KDM4C: variants seen among roughly 807,000 people sequenced by gnomAD.
The protein encoded by KDM4C is lysine demethylase 4C.
In KDM4C, 81 loss-of-function variants were observed where a neutral mutation model predicts 129.3. The observed-to-expected ratio is 0.63, with a 90% CI of 0.52 to 0.75. The LOEUF is 0.75. KDM4C is among the 30% of genes least tolerant of loss of function. KDM4C has a pLI of 0.00. For missense variants in KDM4C, 1,457 were observed against 1,304.0 expected (o/e 1.12, Z -1.81); for synonymous variants, 573 against 456.1 (o/e 1.26, Z -3.26).
intron 1 of KDM4C, chr9:6,748,573 C>T: frequency 1.8e-6 from 1 of 548,354 alleles, no homozygotes; most frequent in South Asian, 2.0e-5. Context: ...AACAATCCCA[C>T]AGCATTTATT....
At chr9:6,995,872 T>G (rs10117103) in intron 12 of KDM4C, among the ~76,000 whole-genome samples, 3,481 of 146,404 alleles carry the variant, frequency 0.024, 144 homozygotes, top group African/African-American at 0.082. Flanking sequence ...GGGGTTTCAC[T>G]GTGTTAGCCA....
At chr9:7,147,926 C>A (rs1308002781) in intron 19 of KDM4C, among the ~76,000 whole-genome samples, 9 of 152,226 alleles carry the variant, frequency 5.9e-5, no homozygotes, top group Admixed American at 1.3e-4. Context: ...CTCGTTCCGT[C>A]CACTCAGCCC....
At chr9:7,032,724 AGGCCT>A in intron 15 of KDM4C, among the ~76,000 whole-genome samples, 7 of 152,194 alleles carry the variant, frequency 4.6e-5, no homozygotes, top group Non-Finnish European at 1.0e-4. Flanking sequence ...TCTCATTCCC[AGGCCT>A]TGCCTCCTCT....
At chr9:6,750,838 G>C (rs1818042420) in intron 1 of KDM4C, among the ~76,000 whole-genome samples, 1 of 152,176 alleles carries the variant, frequency 6.6e-6, no homozygotes. Flanking sequence ...CTCTGGGTTA[G>C]CTGACAGTTA....
intron 1 of KDM4C, among the ~76,000 whole-genome samples, chr9:6,785,415 CA>C (rs1264891968): frequency 6.6e-6 from 1 of 151,870 alleles, no homozygotes; most frequent in Non-Finnish European, 1.5e-5. Flanking sequence ...TGGCTCACTG[CA>C]AACTCTGCCT....
chr9:7,138,296 T>G (rs1841414452), intron 19 of KDM4C, among the ~76,000 whole-genome samples: 1 of 152,218 alleles, frequency 6.6e-6, no homozygotes, highest in Non-Finnish European at 1.5e-5. Flanking sequence ...TTTCCCTCTA[T>G]CATCTAATTT....
In KDM4C at chr9:6,962,947, A is replaced by T. The variant is rs151092650; in HGVS notation, c.922-17978A>T. Reference sequence around the variant, plus strand: ...GACCTATAAATATTTTACAAGATACATATAAGCTGTTTATGGACATGATAT... The same window carrying T: ...GACCTATAAATATTTTACAAGATACTTATAAGCTGTTTATGGACATGATAT... On this transcript the variant is annotated intron_variant, in intron 8 of 21. Transcript: ENST00000381309. Among the ~76,000 whole-genome samples, 489 of 152,344 alleles carry T rather than the reference A, an allele frequency of 3.2e-3. 2 individuals are homozygous for T. The highest frequency in any genetic ancestry group is 0.01 in the African/African-American group (436 of 41,580).
intron 4 of KDM4C, chr9:6,834,943 G>A (rs1835602224): frequency 1.8e-6 from 2 of 1,093,362 alleles, no homozygotes; most frequent in Non-Finnish European, 2.8e-6. Flanking sequence ...CCCACAGTGT[G>A]CCCATCTGCG....
At chr9:6,748,957 T>C in intron 1 of KDM4C, 1 of 870,240 alleles carries the variant, frequency 1.1e-6, no homozygotes, top group Non-Finnish European at 2.0e-6. Flanking sequence ...TTCTGCACTT[T>C]CTGGCCCTGG....
At chr9:6,925,117 C>G (rs745982445) in intron 8 of KDM4C, 1 of 985,392 alleles carries the variant, frequency 1.0e-6, no homozygotes, top group Non-Finnish European at 1.2e-6. Context: ...CATTTTTCCT[C>G]TTTGAACTCT....
intron 1 of KDM4C, among the ~76,000 whole-genome samples, chr9:6,775,158 A>T (rs1822730527): frequency 6.6e-6 from 1 of 152,160 alleles, no homozygotes; most frequent in Non-Finnish European, 1.5e-5. Flanking sequence ...CTGGGATTAC[A>T]GGCATATGCC....
chr9:6,960,582 A>G (rs140569428), intron 8 of KDM4C, among the ~76,000 whole-genome samples: 404 of 152,294 alleles, frequency 2.7e-3, no homozygotes, highest in African/African-American at 9.1e-3. Flanking sequence ...CTCTTTAAAG[A>G]TTGTCATAGA....
intron 19 of KDM4C, among the ~76,000 whole-genome samples, chr9:7,138,563 C>G (rs138170148): frequency 6.6e-6 from 1 of 152,054 alleles, no homozygotes; most frequent in Non-Finnish European, 1.5e-5. Flanking sequence ...ACCTGAAATC[C>G]CAGCGCTTTG....
chr9:6,857,946 T>TTTTTTG (rs555121528), intron 5 of KDM4C, among the ~76,000 whole-genome samples: 14 of 140,168 alleles, frequency 1.0e-4, no homozygotes, highest in African/African-American at 1.6e-4. Context: ...TTTTTTTTTT[T>TTTTTTG]AGAGATGGGG....
chr9:6,723,171 C>T (rs1039920690), intron 1 of KDM4C, among the ~76,000 whole-genome samples: 4 of 151,894 alleles, frequency 2.6e-5, no homozygotes, highest in East Asian at 1.9e-4. Context: ...ATCAGGATTT[C>T]GAGACCAGCC....
Position 6,938,215 on chromosome 9 carries a change from A to T in KDM4C, c.922-42710A>T, listed in dbSNP as rs1015477694. The stretch of plus-strand genomic sequence containing the variant: ...TGTATATAATATTTAATATATAGAT[A>T]TATATTATAGGATGAACATAAAACA... On this transcript the variant is annotated intron_variant, in intron 8 of 21. Transcript: ENST00000381309. 4.5e-4 allele frequency among the ~76,000 whole-genome samples: 68 copies of T among 152,086 alleles called. 1 individual carries two copies. In the East Asian group the frequency reaches 0.011, roughly 24 times the overall value.
intron 17 of KDM4C, among the ~76,000 whole-genome samples, chr9:7,057,480 T>C (rs1587323516): frequency 6.6e-6 from 1 of 152,256 alleles, no homozygotes; most frequent in African/African-American, 2.4e-5. Flanking sequence ...TATCCTCCAC[T>C]TGGGCAACCT....
chr9:6,947,902 C>T (rs1305470667), intron 8 of KDM4C: 4 of 152,052 alleles, frequency 2.6e-5, no homozygotes, highest in Non-Finnish European at 1.5e-5. Context: ...ACTTTTATAA[C>T]CATTTGCATT....
chr9:6,802,060 G>A (rs539633136), intron 2 of KDM4C, among the ~76,000 whole-genome samples: 5 of 151,200 alleles, frequency 3.3e-5, no homozygotes, highest in South Asian at 4.2e-4. Context: ...AGCTGACATC[G>A]CGCCATTGCA....
Sources: gnomAD v4.1 joint callset for allele counts (sites outside exome capture counted in the v4.1 genomes callset) on GRCh38, gnomAD v4.1.1 for gene constraint, MANE v1.5 for transcripts, NCBI Gene and HGNC (gene_info 2026-07-23, HGNC 2026-07-21) for gene names.